The following FIRRM variants were observed in gnomAD, a reference collection of about 807,000 sequenced individuals.
FIRRM encodes the protein FIGNL1-interacting regulator of recombination and mitosis.
At chr1:169,830,697 T>TA in the FIRRM span, 4 of 1,613,406 alleles carry the variant, frequency 2.5e-6, no homozygotes. Context: ...ATATTGCAGA[T>TA]ATGGGACTGC....
At chr1:169,848,340 T>C in the FIRRM span, among the ~76,000 whole-genome samples, 1 of 152,176 alleles carries the variant, frequency 6.6e-6, no homozygotes, top group Admixed American at 6.5e-5. Flanking sequence ...TTAAAGAACT[T>C]ACAGCAAAGA....
chr1:169,796,736 G>A, the FIRRM span, among the ~76,000 whole-genome samples: 1 of 152,150 alleles, frequency 6.6e-6, no homozygotes, highest in Non-Finnish European at 1.5e-5. Flanking sequence ...TTACCTTCAA[G>A]GTTCCAGGTG....
the FIRRM span, chr1:169,798,856 GGTTT>G: frequency 1.0e-6 from 1 of 979,218 alleles, no homozygotes; most frequent in Non-Finnish European, 1.4e-6. Context: ...TTTTTTTTTA[GGTTT>G]GTTCTGAGTA....
At chr1:169,845,474 G>A in the FIRRM span, among the ~76,000 whole-genome samples, 54 of 152,184 alleles carry the variant, frequency 3.5e-4, no homozygotes, top group African/African-American at 1.1e-3. Flanking sequence ...TCTGTAGCAT[G>A]TGATGCTGTT....
the FIRRM span, chr1:169,802,638 T>C: frequency 6.2e-7 from 1 of 1,609,902 alleles, no homozygotes; most frequent in Non-Finnish European, 8.5e-7. Context: ...AATTATTCGA[T>C]GACATGATGT....
the FIRRM span, among the ~76,000 whole-genome samples, chr1:169,808,645 C>T: frequency 6.7e-6 from 1 of 148,708 alleles, no homozygotes; most frequent in Non-Finnish European, 1.5e-5. Context: ...CACTCTGTCA[C>T]CCAAGCTGGA....
the FIRRM span, among the ~76,000 whole-genome samples, chr1:169,818,174 A>G: frequency 2.6e-4 from 40 of 152,346 alleles, no homozygotes; most frequent in African/African-American, 9.1e-4. Flanking sequence ...ACATGTTACA[A>G]TGTTAACTCT....
At chr1:169,788,216 G>C in the FIRRM span, among the ~76,000 whole-genome samples, 1 of 152,076 alleles carries the variant, frequency 6.6e-6, no homozygotes, top group African/African-American at 2.4e-5. Context: ...TGAATTGCAT[G>C]GTCAGTTATA....
the FIRRM span, chr1:169,853,876 C>T: frequency 7.9e-7 from 1 of 1,262,468 alleles, no homozygotes; most frequent in South Asian, 1.2e-5. Context: ...CTTTTGATGC[C>T]AGAAACACTA....
the FIRRM span, chr1:169,794,827 G>A: frequency 9.1e-6 from 4 of 439,896 alleles, no homozygotes; most frequent in South Asian, 1.1e-4. Flanking sequence ...GGGGATGCTT[G>A]CTTCCCGACG....
chr1:169,792,632 A>G, the FIRRM span: 2 of 1,601,298 alleles, frequency 1.2e-6, no homozygotes, highest in Non-Finnish European at 1.7e-6. Context: ...TCCTTCATCA[A>G]TTATTTTGAG....
chr1:169,826,991 C>T, the FIRRM span: 2 of 1,504,944 alleles, frequency 1.3e-6, no homozygotes, highest in South Asian at 2.4e-5. Context: ...ATAGTACTTA[C>T]TCTACCTAAA....
chr1:169,834,494 C>T, the FIRRM span, among the ~76,000 whole-genome samples: 2 of 152,142 alleles, frequency 1.3e-5, no homozygotes, highest in East Asian at 3.9e-4. Flanking sequence ...CCCCTTAAGA[C>T]ATTATCCTTT....
the FIRRM span, chr1:169,795,054 G>T: frequency 6.9e-7 from 1 of 1,449,226 alleles, no homozygotes; most frequent in Non-Finnish European, 9.4e-7. Flanking sequence ...CGAGTTTCCG[G>T]TCTGGGCTTT....
chr1:169,853,693 A>C, the FIRRM span: 1 of 1,610,896 alleles, frequency 6.2e-7, no homozygotes, highest in Non-Finnish European at 8.5e-7. Flanking sequence ...TTTTTCCTAA[A>C]GTTTAACTCA....
At chr1:169,849,851 C>T in the FIRRM span, 18 of 505,258 alleles carry the variant, frequency 3.6e-5, 2 homozygotes, top group Non-Finnish European at 1.8e-5. Context: ...CCTACTGATA[C>T]AGACAGACAC....
At chr1:169,812,953 A>C in the FIRRM span, among the ~76,000 whole-genome samples, 1 of 152,218 alleles carries the variant, frequency 6.6e-6, no homozygotes, top group African/African-American at 2.4e-5. Flanking sequence ...ATAAGGGTCA[A>C]AATGAGGGAT....
the FIRRM span, among the ~76,000 whole-genome samples, chr1:169,797,024 CTT>C: frequency 5.9e-5 from 9 of 152,276 alleles, no homozygotes; most frequent in Admixed American, 2.6e-4. Flanking sequence ...AAGAAATGCT[CTT>C]GTTTGCTTTG....
chr1:169,827,480 A>C, the FIRRM span, among the ~76,000 whole-genome samples: 3 of 152,122 alleles, frequency 2.0e-5, no homozygotes, highest in Non-Finnish European at 2.9e-5. Flanking sequence ...TCTACTAAAA[A>C]TACAAAAATT....
Sources: allele counts gnomAD v4.1 joint callset (sites outside exome capture counted in the v4.1 genomes callset), GRCh38; gene constraint gnomAD v4.1.1; transcripts MANE v1.5; gene names NCBI Gene and HGNC (gene_info 2026-07-23, HGNC 2026-07-21).